Variants in GAB2 observed in about 807,000 individuals in gnomAD.
GAB2 encodes the protein GRB2 associated binding protein 2.
A neutral mutation model predicts 65.5 loss-of-function variants in GAB2; 26 were observed. The ratio of observed to expected loss-of-function variants is 0.40; its 90% CI spans 0.29 to 0.55. The LOEUF (loss-of-function observed/expected upper bound fraction) is 0.55. Ranked by LOEUF, GAB2 falls within the 20% of genes least tolerant of loss-of-function variation. The pLI, the probability that GAB2 is intolerant of heterozygous loss-of-function variation, is 0.53. For synonymous variants in GAB2, 321 were observed against 329.6 expected, an observed-to-expected ratio of 0.97 and a Z score of 0.28; for missense variants, 884 against 875.8, an observed-to-expected ratio of 1.01 and a Z score of -0.12.
chr11:78,413,812 C>T (rs1194232508), intron 1 of GAB2, among the ~76,000 whole-genome samples: 4 of 152,080 alleles, frequency 2.6e-5, no homozygotes, highest in East Asian at 1.9e-4. Flanking sequence ...AGGCTGGGCG[C>T]GGTGGCTCAT....
chr11:78,392,467 TG>T (rs1342699035), intron 1 of GAB2: 1 of 152,208 alleles, frequency 6.6e-6, no homozygotes, highest in Non-Finnish European at 1.5e-5. Context: ...CTTTTCAGGA[TG>T]GGGCTAACAT....
chr11:78,227,631 C>CAAAAAAAAAAAAAAAAAAAAAAAAAAAAA (rs55716895), intron 3 of GAB2, among the ~76,000 whole-genome samples: 36 of 106,098 alleles, frequency 3.4e-4, no homozygotes, highest in African/African-American at 8.3e-4. Flanking sequence ...CCATTGCCAC[C>CAAAAAAAAAAAAAAAAAAAAAAAAAAAAA]AAAAAAAAAA....
chr11:78,400,718 C>T (rs563129053), intron 1 of GAB2, among the ~76,000 whole-genome samples: 7 of 152,072 alleles, frequency 4.6e-5, no homozygotes, highest in Non-Finnish European at 8.8e-5. Flanking sequence ...GCCTGGTCAA[C>T]AGAGCAAAAC....
intron 1 of GAB2, among the ~76,000 whole-genome samples, chr11:78,336,428 G>A (rs1402944245): frequency 7.1e-6 from 1 of 141,602 alleles, no homozygotes; most frequent in African/African-American, 2.6e-5. Flanking sequence ...ATTTTTGTAT[G>A]CTGATTTTGT....
At chr11:78,220,759 A>C (rs527364195) in intron 8 of GAB2, among the ~76,000 whole-genome samples, 3 of 152,282 alleles carry the variant, frequency 2.0e-5, no homozygotes, top group African/African-American at 4.8e-5. Flanking sequence ...AACCTGTGCT[A>C]ACCCCTGTAC....
At chr11:78,372,454 G>C (rs1856584119) in intron 1 of GAB2, among the ~76,000 whole-genome samples, 1 of 152,074 alleles carries the variant, frequency 6.6e-6, no homozygotes, top group Non-Finnish European at 1.5e-5. Flanking sequence ...ATCTAAGGTT[G>C]GTATTATTCC....
At chr11:78,265,136 A>G (rs1298031215) in intron 2 of GAB2, among the ~76,000 whole-genome samples, 1 of 151,488 alleles carries the variant, frequency 6.6e-6, no homozygotes, top group African/African-American at 2.4e-5. Context: ...GACTAAAGTC[A>G]TTAATGTTGT....
chr11:78,247,315 G>C (rs1865325569), intron 3 of GAB2, among the ~76,000 whole-genome samples: 2 of 152,094 alleles, frequency 1.3e-5, no homozygotes, highest in Non-Finnish European at 2.9e-5. Context: ...GCCTGTGGTG[G>C]CTTCCACCAC....
intron 1 of GAB2, among the ~76,000 whole-genome samples, chr11:78,290,826 A>G (rs1240713784): frequency 6.6e-6 from 1 of 152,224 alleles, no homozygotes; most frequent in East Asian, 1.9e-4. Flanking sequence ...AGAACGTAAG[A>G]ACTTTCTAAA....
At chr11:78,417,381 G>A (rs1318570653) in intron 1 of GAB2, among the ~76,000 whole-genome samples, 1 of 152,006 alleles carries the variant, frequency 6.6e-6, no homozygotes, top group East Asian at 1.9e-4. Context: ...TAGTTCACGA[G>A]CAGACCGGCT....
chr11:78,381,929 C>T (rs1856703046), intron 1 of GAB2, among the ~76,000 whole-genome samples: 1 of 152,242 alleles, frequency 6.6e-6, no homozygotes, highest in Non-Finnish European at 1.5e-5. Flanking sequence ...AGAGCTCTAA[C>T]TCCTTAGCAT....
intron 1 of GAB2, among the ~76,000 whole-genome samples, chr11:78,407,901 C>A (rs1344244912): frequency 6.6e-6 from 1 of 152,070 alleles, no homozygotes; most frequent in African/African-American, 2.4e-5. Flanking sequence ...CAGTATTTTA[C>A]AGGTGCTCAA....
chr11:78,371,678 TAAGCACACA>T (rs1232193988), intron 1 of GAB2, among the ~76,000 whole-genome samples: 3 of 152,244 alleles, frequency 2.0e-5, no homozygotes, highest in Non-Finnish European at 4.4e-5. Flanking sequence ...TAGCTGGGGC[TAAGCACACA>T]TTTGCTGAAT....
intron 3 of GAB2, 68 bp from the exon 4 acceptor site, chr11:78,227,119 G>A: frequency 9.5e-7 from 1 of 1,055,208 alleles, no homozygotes; most frequent in Non-Finnish European, 1.4e-6. Flanking sequence ...TTGAGGCAAA[G>A]CACTTTCTCT....
At chr11:78,374,506 A>G (rs1225041848) in intron 1 of GAB2, among the ~76,000 whole-genome samples, 1 of 152,208 alleles carries the variant, frequency 6.6e-6, no homozygotes, top group Non-Finnish European at 1.5e-5. Context: ...TACTGACTAG[A>G]TAAGTTAGTG....
At chr11:78,319,054 G>C (rs1855672141) in intron 1 of GAB2, among the ~76,000 whole-genome samples, 1 of 152,110 alleles carries the variant, frequency 6.6e-6, no homozygotes, top group Non-Finnish European at 1.5e-5. Context: ...CTGCACAACA[G>C]AGGTGCTGTG....
intron 3 of GAB2, among the ~76,000 whole-genome samples, chr11:78,248,330 G>A (rs1865353265): frequency 6.6e-6 from 1 of 152,142 alleles, no homozygotes; most frequent in Non-Finnish European, 1.5e-5. Context: ...GAGTGGTGGT[G>A]GCGGCAATTG....
At chr11:78,301,922 A>G (rs1867030631) in intron 1 of GAB2, among the ~76,000 whole-genome samples, 1 of 152,216 alleles carries the variant, frequency 6.6e-6, no homozygotes, top group Non-Finnish European at 1.5e-5. Context: ...AACAAAGCGA[A>G]CAAAAACAAA....
rs146479620 is a variant in GAB2 at position 78,270,095 on chromosome 11, A to C, written c.376+10506T>G. ...ATAGCACTGAGCACTTTGGAAGGCC[A>C]AGGCGGGTGGATCACGAGATCAGGA... On this transcript the variant is annotated intron_variant, in intron 2 of 9. Transcript: ENST00000361507. 4.6e-3 allele frequency among the ~76,000 whole-genome samples: 693 copies of C among 152,272 alleles called. 4 individuals are homozygous for C. The highest frequency in any genetic ancestry group is 0.016 in the African/African-American group (671 of 41,566).
Sources: gnomAD v4.1 joint callset for allele counts (sites outside exome capture counted in the v4.1 genomes callset) on GRCh38, gnomAD v4.1.1 for gene constraint, MANE v1.5 for transcripts, NCBI Gene and HGNC (gene_info 2026-07-23, HGNC 2026-07-21) for gene names.